TSHZ2: variants seen among roughly 807,000 people sequenced by gnomAD.
The protein encoded by TSHZ2 is teashirt homolog 2.
In TSHZ2, 21 loss-of-function variants were observed where a neutral mutation model predicts 74.4. That is an observed-to-expected ratio of 0.28 (90% CI 0.20 to 0.41). The LOEUF (loss-of-function observed/expected upper bound fraction) is 0.41, where lower values mean the gene tolerates loss of function less well. Ranked by LOEUF, TSHZ2 falls within the 10% of genes least tolerant of loss-of-function variation. The pLI is 1.00. For missense variants in TSHZ2, 1,244 were observed against 1,293.5 expected (o/e 0.96, Z 0.59); for synonymous variants, 540 against 515.3 (o/e 1.05, Z -0.65).
intron 2 of TSHZ2, among the ~76,000 whole-genome samples, chr20:53,329,383 G>T (rs1005406625): frequency 2.0e-5 from 3 of 152,172 alleles, no homozygotes; most frequent in Non-Finnish European, 4.4e-5. Flanking sequence ...TACAAAGCAG[G>T]ATGTATGGGG....
chr20:53,177,826 A>G (rs1236706554), intron 1 of TSHZ2, among the ~76,000 whole-genome samples: 1 of 152,150 alleles, frequency 6.6e-6, no homozygotes, highest in African/African-American at 2.4e-5. Context: ...CTTGATCCCA[A>G]TGTTGAGAGG....
chr20:53,439,914 A>C (rs370616483), intron 2 of TSHZ2, among the ~76,000 whole-genome samples: 2 of 152,354 alleles, frequency 1.3e-5, no homozygotes, highest in African/African-American at 4.8e-5. Flanking sequence ...GCTGTAATTA[A>C]TGAACACAAA....
At chr20:53,045,397 A>G (rs16997440) in intron 1 of TSHZ2, among the ~76,000 whole-genome samples, 1,972 of 152,320 alleles carry the variant, frequency 0.013, 46 homozygotes, top group African/African-American at 0.045. Context: ...TCCACAGTCC[A>G]CTGGTAGTTG....
intron 1 of TSHZ2, among the ~76,000 whole-genome samples, chr20:53,021,937 G>A (rs1381834834): frequency 1.3e-5 from 2 of 152,148 alleles, no homozygotes; most frequent in African/African-American, 4.8e-5. Context: ...TGTTTATTAA[G>A]TATTTTTCTT....
At chr20:53,245,042 T>C (rs909537527) in intron 1 of TSHZ2, among the ~76,000 whole-genome samples, 2 of 152,196 alleles carry the variant, frequency 1.3e-5, no homozygotes, top group Non-Finnish European at 2.9e-5. Flanking sequence ...CAGCCATCTG[T>C]GGGTTCAGGT....
intron 1 of TSHZ2, among the ~76,000 whole-genome samples, chr20:53,119,228 A>G (rs1163128863): frequency 1.3e-5 from 2 of 152,074 alleles, no homozygotes; most frequent in Non-Finnish European, 2.9e-5. Flanking sequence ...AAAAAGATCT[A>G]TTTTTCCACA....
At chr20:53,214,617 G>A (rs1214352915) in intron 1 of TSHZ2, among the ~76,000 whole-genome samples, 1 of 152,176 alleles carries the variant, frequency 6.6e-6, no homozygotes, top group African/African-American at 2.4e-5. Context: ...GGAGGATTAG[G>A]CAAGAGAATT....
chr20:52,973,388 C>T (rs1304505001), intron 1 of TSHZ2, 55 bp downstream of exon 1: 37 of 1,545,062 alleles, frequency 2.4e-5, no homozygotes, highest in Non-Finnish European at 3.0e-5. Flanking sequence ...TCCTCGCCCG[C>T]CCTCCTTGCC....
At chr20:52,990,248 A>T (rs1981929323) in intron 1 of TSHZ2, among the ~76,000 whole-genome samples, 1 of 152,154 alleles carries the variant, frequency 6.6e-6, no homozygotes. Flanking sequence ...TAATTTGAAT[A>T]TTTTTTGTAA....
intron 1 of TSHZ2, among the ~76,000 whole-genome samples, chr20:53,022,122 T>C (rs953550137): frequency 6.6e-6 from 1 of 152,170 alleles, no homozygotes; most frequent in African/African-American, 2.4e-5. Context: ...ACTCAGAGGT[T>C]CCTGGCTGCA....
chr20:53,008,458 G>A (rs1185808826), intron 1 of TSHZ2, among the ~76,000 whole-genome samples: 4 of 152,144 alleles, frequency 2.6e-5, no homozygotes, highest in Non-Finnish European at 5.9e-5. Context: ...TGGCTTAAGA[G>A]CCTGGGTTAG....
At chr20:53,172,593 G>A (rs542842912) in intron 1 of TSHZ2, among the ~76,000 whole-genome samples, 12 of 150,922 alleles carry the variant, frequency 8.0e-5, no homozygotes, top group South Asian at 4.4e-4. Flanking sequence ...AGCTTGAATC[G>A]TTTGTAAAAT....
At chr20:53,157,047 C>T (rs1011875428) in intron 1 of TSHZ2, among the ~76,000 whole-genome samples, 2 of 152,198 alleles carry the variant, frequency 1.3e-5, no homozygotes, top group African/African-American at 4.8e-5. Context: ...CACATGCAAG[C>T]TTTATTACTG....
At chr20:53,189,376 C>T (rs1457967390) in intron 1 of TSHZ2, among the ~76,000 whole-genome samples, 2 of 152,190 alleles carry the variant, frequency 1.3e-5, no homozygotes, top group East Asian at 1.9e-4. Flanking sequence ...AATCTCTGTT[C>T]AGCTCTGTGC....
intron 1 of TSHZ2, among the ~76,000 whole-genome samples, chr20:53,095,757 C>T (rs1432167955): frequency 6.6e-6 from 1 of 152,106 alleles, no homozygotes; most frequent in South Asian, 2.1e-4. Flanking sequence ...AGTGGCATCT[C>T]CTTCTTACCC....
chr20:53,464,604 G>A (rs1985500054), intron 2 of TSHZ2, among the ~76,000 whole-genome samples: 1 of 152,136 alleles, frequency 6.6e-6, no homozygotes, highest in South Asian at 2.1e-4. Context: ...TGGAACTATA[G>A]GTGCACACCA....
At chr20:53,168,200 T>G (rs900644263) in intron 1 of TSHZ2, among the ~76,000 whole-genome samples, 3 of 152,232 alleles carry the variant, frequency 2.0e-5, no homozygotes, top group Non-Finnish European at 4.4e-5. Flanking sequence ...TTTGTCTGGA[T>G]AGTTGTTTGC....
At chr20:53,132,711 T>C (rs1987137951) in intron 1 of TSHZ2, among the ~76,000 whole-genome samples, 1 of 152,194 alleles carries the variant, frequency 6.6e-6, no homozygotes, top group African/African-American at 2.4e-5. Context: ...ATCATCTTGC[T>C]GAAGGTGTGT....
At chr20:53,185,165 A>G (rs916070321) in intron 1 of TSHZ2, 39 of 982,964 alleles carry the variant, frequency 4.0e-5, no homozygotes, top group Non-Finnish European at 4.7e-5. Flanking sequence ...AGATTGAGCC[A>G]ATTGTTTTGA....
Sources: gnomAD v4.1 joint callset for allele counts (sites outside exome capture counted in the v4.1 genomes callset) on GRCh38, gnomAD v4.1.1 for gene constraint, MANE v1.5 for transcripts, NCBI Gene and HGNC (gene_info 2026-07-23, HGNC 2026-07-21) for gene names.